WWOX: variants seen among roughly 807,000 people sequenced by gnomAD.
WWOX encodes WW domain containing oxidoreductase.
A neutral mutation model predicts 46.2 loss-of-function variants in WWOX; 69 were observed. That is an observed-to-expected ratio of 1.49 (90% CI 1.23 to 1.82). The LOEUF is 1.82. WWOX is among the 40% of genes most tolerant of loss of function. The pLI is 0.00. For missense variants in WWOX, 919 were observed against 542.6 expected (o/e 1.69, Z -6.89); for synonymous variants, 359 against 202.6 (o/e 1.77, Z -6.56).
chr16:78,589,764 A>C (rs1387925319), intron 8 of WWOX, among the ~76,000 whole-genome samples: 1 of 152,138 alleles, frequency 6.6e-6, no homozygotes, highest in East Asian at 1.9e-4. Flanking sequence ...CTTCTCATTT[A>C]ATAGGTTGGT....
intron 8 of WWOX, among the ~76,000 whole-genome samples, chr16:79,076,274 T>C (rs935069378): frequency 6.6e-6 from 1 of 152,246 alleles, no homozygotes; most frequent in African/African-American, 2.4e-5. Flanking sequence ...GAAATCTAAG[T>C]AAAAGAATCA....
At chr16:78,879,797 A>G (rs148809131) in intron 8 of WWOX, among the ~76,000 whole-genome samples, 2,464 of 151,828 alleles carry the variant, frequency 0.016, 69 homozygotes, top group African/African-American at 0.056. Flanking sequence ...GAGTCGCTTG[A>G]ACTTGGGAGG....
chr16:78,433,036 G>GT (rs1480489211), intron 8 of WWOX, among the ~76,000 whole-genome samples: 2 of 151,658 alleles, frequency 1.3e-5, no homozygotes, highest in African/African-American at 2.4e-5. Flanking sequence ...GTTTGGTTTT[G>GT]TTTTTTTTGG....
intron 8 of WWOX, among the ~76,000 whole-genome samples, chr16:78,912,560 C>G (rs891362989): frequency 1.3e-5 from 2 of 152,022 alleles, no homozygotes; most frequent in Admixed American, 6.6e-5. Flanking sequence ...GAGACAAAAC[C>G]AGCAGGGTTA....
intron 5 of WWOX, among the ~76,000 whole-genome samples, chr16:78,188,966 C>T (rs1378581170): frequency 2.0e-5 from 3 of 152,082 alleles, no homozygotes; most frequent in Non-Finnish European, 4.4e-5. Context: ...GGAATAGAGG[C>T]TGCAGAGGAG....
intron 8 of WWOX, among the ~76,000 whole-genome samples, chr16:78,961,296 T>C (rs956064218): frequency 6.6e-6 from 1 of 152,246 alleles, no homozygotes; most frequent in Non-Finnish European, 1.5e-5. Context: ...CTGATGATTA[T>C]ATAATTGAAC....
At chr16:79,058,502 G>A (rs909959960) in intron 8 of WWOX, among the ~76,000 whole-genome samples, 2 of 152,176 alleles carry the variant, frequency 1.3e-5, no homozygotes, top group African/African-American at 4.8e-5. Context: ...GGATGGAAAG[G>A]AGGAAGGAAG....
chr16:78,688,926 T>G (rs535592631), intron 8 of WWOX, among the ~76,000 whole-genome samples: 22 of 152,264 alleles, frequency 1.4e-4, no homozygotes, highest in African/African-American at 5.1e-4. Context: ...TTTCCTCCTT[T>G]GCTTGGCACC....
chr16:78,349,277 A>AT lies in WWOX; in HGVS notation c.517-37577dup, dbSNP rs1683327232. ...CAATAGGACCTGCCCTGATAGCCTCATTTTTTACATAATCACCTCTTTATA... is the reference window on the plus strand; with the variant it reads ...CAATAGGACCTGCCCTGATAGCCTCATTTTTTTACATAATCACCTCTTTATA... On this transcript the variant is annotated intron_variant, in intron 5 of 8. Transcript: ENST00000566780. 1.7e-5 allele frequency among the ~76,000 whole-genome samples: 2 copies of AT among 119,958 alleles called. 1 individual carries two copies. Among genetic ancestry groups the AT allele is most frequent in the South Asian group, 5.0e-4 (2 of 3,964 alleles). The allele number at this position is 119,958 out of a possible 152,430, so 78.7% of individuals were successfully genotyped here. A position where few individuals can be genotyped will look rare whatever the true frequency, so the allele number is the denominator to read the frequency against.
In WWOX at chr16:78,449,488, C is replaced by G. The variant is rs371873374; in HGVS notation, c.1056+16736C>G. Among the ~76,000 whole-genome samples the G allele has an allele frequency of 5.9e-5, 9 of 152,258 alleles. No individual in the cohort carries two copies. The East Asian group carries it at 1.7e-3, about 29-fold the overall frequency. On this transcript the variant is annotated intron_variant, in intron 8 of 8. Transcript: ENST00000566780. ...ATTTCAGTGCCTTTTGGGGACCCTG[C>G]TACATTGTGGTAGATTTACTCACAG... is the stretch of plus-strand genomic sequence containing the variant.
At chr16:78,653,096 C>G (rs2047002110) in intron 8 of WWOX, among the ~76,000 whole-genome samples, 1 of 151,746 alleles carries the variant, frequency 6.6e-6, no homozygotes, top group African/African-American at 2.4e-5. Flanking sequence ...TTTCTTTCTT[C>G]TGAGTGATAG....
At chr16:78,311,212 G>C (rs2080236403) in intron 5 of WWOX, among the ~76,000 whole-genome samples, 1 of 152,156 alleles carries the variant, frequency 6.6e-6, no homozygotes, top group African/African-American at 2.4e-5. Context: ...GGCACAGTGT[G>C]GTTGGACTGG....
intron 8 of WWOX, among the ~76,000 whole-genome samples, chr16:78,874,342 G>T (rs1475702807): frequency 6.6e-6 from 1 of 151,954 alleles, no homozygotes; most frequent in Admixed American, 6.6e-5. Flanking sequence ...ATCCTGAACA[G>T]ACATGATCTT....
intron 8 of WWOX, among the ~76,000 whole-genome samples, chr16:78,665,212 G>A (rs773852181): frequency 2.0e-5 from 3 of 152,092 alleles, no homozygotes; most frequent in Admixed American, 6.6e-5. Context: ...GTTGGCACGC[G>A]GGCTTCTGGA....
In WWOX at chr16:78,431,977, A is replaced by C. The variant is rs79199632; in HGVS notation, c.792-511A>C. Among the ~76,000 whole-genome samples the C allele has an allele frequency of 4.8e-3, 738 of 152,232 alleles. 9 individuals are homozygous for C. The highest frequency in any genetic ancestry group is 0.017 in the African/African-American group (710 of 41,536). On this transcript the variant is annotated intron_variant, in intron 7 of 8. Coordinates refer to ENST00000566780, the MANE Select transcript of WWOX (RefSeq NM_016373.4). ...GCAATCCTCCCGCCTCAGCTTCCTA[A>C]AGTGCTGGGATTAGAGGCATGAGCC...
chr16:78,681,638 TC>T (rs1459738144), intron 8 of WWOX, among the ~76,000 whole-genome samples: 1 of 152,078 alleles, frequency 6.6e-6, no homozygotes, highest in Admixed American at 6.5e-5. Flanking sequence ...GTTTGAGAGT[TC>T]CTGCTCCTGA....
At chr16:79,184,445 TC>T (rs1432621540) in intron 8 of WWOX, among the ~76,000 whole-genome samples, 2 of 152,170 alleles carry the variant, frequency 1.3e-5, no homozygotes, top group African/African-American at 4.8e-5. Context: ...ACCACCAATT[TC>T]CACGCCTTGT....
intron 8 of WWOX, among the ~76,000 whole-genome samples, chr16:78,985,791 C>G (rs916262079): frequency 6.6e-6 from 1 of 152,008 alleles, no homozygotes; most frequent in Non-Finnish European, 1.5e-5. Context: ...AGAATAGGCA[C>G]AGACAATTTA....
At chr16:78,401,046 C>G (rs1398649652) in intron 6 of WWOX, among the ~76,000 whole-genome samples, 1 of 152,164 alleles carries the variant, frequency 6.6e-6, no homozygotes, top group East Asian at 1.9e-4. Flanking sequence ...TCTCAAACTT[C>G]TGGAATCAAG....
Sources: allele counts gnomAD v4.1 joint callset (sites outside exome capture counted in the v4.1 genomes callset), GRCh38; gene constraint gnomAD v4.1.1; transcripts MANE v1.5; gene names NCBI Gene and HGNC (gene_info 2026-07-23, HGNC 2026-07-21).